EXT2: variants seen among roughly 807,000 people sequenced by gnomAD.
EXT2 encodes exostosin-2.
Under a neutral mutation model 81.6 loss-of-function variants are expected in EXT2, and 53 were observed. That is an observed-to-expected ratio of 0.65 (90% CI 0.52 to 0.82). The LOEUF is 0.82. EXT2 is among the 40% of genes least tolerant of loss of function. The pLI, the probability that EXT2 is intolerant of heterozygous loss-of-function variation, is 0.00. For synonymous variants in EXT2, 320 were observed against 340.0 expected (o/e 0.94, Z 0.65); for missense variants, 774 against 910.2 (o/e 0.85, Z 1.93).
At chr11:44,132,330 G>T (rs1261420615) in intron 7 of EXT2, among the ~76,000 whole-genome samples, 1 of 152,230 alleles carries the variant, frequency 6.6e-6, no homozygotes, top group Admixed American at 6.5e-5. Context: ...GTCATTTTCA[G>T]TGTTGGCTCA....
chr11:44,213,684 CAG>C (rs2135221038), intron 10 of EXT2, among the ~76,000 whole-genome samples: 2 of 152,210 alleles, frequency 1.3e-5, no homozygotes, highest in African/African-American at 4.8e-5. Flanking sequence ...GTGTGAACAA[CAG>C]AGAAGAAATA....
In EXT2 at chr11:44,249,086, T is replaced by G. The variant is rs1291767735; in HGVS notation, c.*4799T>G. Reference sequence around the variant, plus strand: ...ATCATGGCTCGCTGCAGCCTCAAACTCCTGGACTCAAGCAGTCTTCCCATC... The same window carrying G: ...ATCATGGCTCGCTGCAGCCTCAAACGCCTGGACTCAAGCAGTCTTCCCATC... On this transcript the variant is annotated 3_prime_UTR_variant, in exon 14 of 14. Transcript: ENST00000533608. Among the ~76,000 whole-genome samples, 1 of 152,092 alleles carries G rather than the reference T, an allele frequency of 6.6e-6. No individual in the cohort carries two copies. Among genetic ancestry groups the G allele is most frequent in the East Asian group, 1.9e-4 (1 of 5,190 alleles).
In EXT2 at chr11:44,184,082, G is replaced by T. The variant is rs138967719; in HGVS notation, c.1305+12340G>T. Among the ~76,000 whole-genome samples, 1,299 of 152,258 alleles carry T rather than the reference G, an allele frequency of 8.5e-3. 24 individuals carry two copies. The highest frequency in any genetic ancestry group is 0.029 in the African/African-American group (1,212 of 41,548). On this transcript the variant is annotated intron_variant, in intron 8 of 13. Coordinates refer to ENST00000533608, the MANE Select transcript of EXT2 (RefSeq NM_207122.2). ...CAGAGAATTTGTTTTTGTTTATTTTGCTTCTTCAACATTAATGTCTCACTG... is the reference window on the plus strand; with the variant it reads ...CAGAGAATTTGTTTTTGTTTATTTTTCTTCTTCAACATTAATGTCTCACTG...
chr11:44,125,027 T>G (rs759873000), intron 5 of EXT2, 43 bp downstream of exon 5: 2 of 1,595,388 alleles, frequency 1.3e-6, no homozygotes, highest in East Asian at 4.5e-5. Flanking sequence ...CAGGAGAGTT[T>G]GCTTACATGG....
intron 10 of EXT2, 147 bp from the exon 11 acceptor site, chr11:44,232,206 A>G (rs1293057006): frequency 3.0e-6 from 3 of 998,688 alleles, no homozygotes; most frequent in Non-Finnish European, 4.5e-6. Flanking sequence ...CACCTGTTTG[A>G]TGGAACATCT....
At chr11:44,237,558 TA>T (rs1476496829) in intron 13 of EXT2, among the ~76,000 whole-genome samples, 2 of 152,142 alleles carry the variant, frequency 1.3e-5, no homozygotes, top group Non-Finnish European at 2.9e-5. Flanking sequence ...AATTGTTATT[TA>T]AACCTACCCC....
intron 8 of EXT2, among the ~76,000 whole-genome samples, chr11:44,189,907 C>G (rs1955368851): frequency 6.6e-6 from 1 of 152,184 alleles, no homozygotes; most frequent in Non-Finnish European, 1.5e-5. Context: ...ATGTGCCTGG[C>G]TGGTGGAGTG....
intron 10 of EXT2, among the ~76,000 whole-genome samples, chr11:44,215,144 C>A (rs954346490): frequency 4.6e-5 from 7 of 152,102 alleles, no homozygotes; most frequent in African/African-American, 1.7e-4. Context: ...TTCTTTCTCT[C>A]CTTTGATGAA....
chr11:44,156,163 C>A (rs552502536), intron 7 of EXT2, among the ~76,000 whole-genome samples: 1 of 151,946 alleles, frequency 6.6e-6, no homozygotes, highest in South Asian at 2.1e-4. Flanking sequence ...TTCCTTTTTT[C>A]TTGACCTTTG....
chr11:44,170,847 C>G (rs7926063), intron 7 of EXT2, among the ~76,000 whole-genome samples: 38,672 of 143,874 alleles, frequency 0.27, 6,046 homozygotes, highest in East Asian at 0.47. Context: ...CACACACACA[C>G]ACACACACAC....
At chr11:44,234,516 CA>C (rs1416063670) in intron 12 of EXT2, among the ~76,000 whole-genome samples, 4 of 151,534 alleles carry the variant, frequency 2.6e-5, no homozygotes, top group African/African-American at 9.7e-5. Flanking sequence ...GTCTATAAAT[CA>C]AAAAATTATA....
intron 7 of EXT2, among the ~76,000 whole-genome samples, chr11:44,163,450 C>T (rs1954953525): frequency 6.6e-6 from 1 of 152,164 alleles, no homozygotes; most frequent in South Asian, 2.1e-4. Context: ...GTCAAAAGGA[C>T]CAGTGAGCAC....
At chr11:44,095,949 G>A (rs963821410) in intron 1 of EXT2, 97 bp downstream of exon 1, 5 of 412,892 alleles carry the variant, frequency 1.2e-5, no homozygotes, top group Non-Finnish European at 1.8e-5. Context: ...GGCCGAGGGA[G>A]CGCGGCCGCG....
Position 44,119,169 on chromosome 11 carries a change from T to TATATAC in EXT2, c.743+4869_743+4870insTATACA, listed in dbSNP as rs1192115471. 3.7e-3 allele frequency among the ~76,000 whole-genome samples: 230 copies of TATATAC among 62,892 alleles called. 3 individuals carry two copies. The highest frequency in any genetic ancestry group is 9.1e-3 in the South Asian group (16 of 1,750). The allele number at this position is 62,892 out of a possible 152,430, so 41.3% of individuals were successfully genotyped here. On this transcript the variant is annotated intron_variant, in intron 4 of 13. Transcript: ENST00000533608. The stretch of plus-strand genomic sequence containing the variant: ...ATATATATATATATATATATATATA[T>TATATAC]ACACATACACACACACACACACACA...
rs138370297 is a variant in EXT2, at chr11:44,194,003, A to C, written c.1306-3826A>C. Reference sequence around the variant, plus strand: ...TTGTCTTGCCAGCGACTCTGGTTCCATGTCCCTGGCAGCTCCTTGAAATCA... The same window carrying C: ...TTGTCTTGCCAGCGACTCTGGTTCCCTGTCCCTGGCAGCTCCTTGAAATCA... On this transcript the variant is annotated intron_variant, in intron 8 of 13. Transcript: ENST00000533608. 6.2e-3 allele frequency among the ~76,000 whole-genome samples: 943 copies of C among 152,296 alleles called. 16 individuals are homozygous for C. Among genetic ancestry groups the C allele is most frequent in the Admixed American group, 0.014 (217 of 15,300 alleles).
At chr11:44,103,529 C>A (rs1473407172) in intron 1 of EXT2, among the ~76,000 whole-genome samples, 1 of 152,148 alleles carries the variant, frequency 6.6e-6, no homozygotes, top group Non-Finnish European at 1.5e-5. Context: ...CATTTGCTAG[C>A]CTCCTAAACT....
intron 7 of EXT2, among the ~76,000 whole-genome samples, chr11:44,151,744 G>A (rs1311816946): frequency 1.3e-5 from 2 of 152,136 alleles, no homozygotes; most frequent in African/African-American, 2.4e-5. Flanking sequence ...GAGCACAGTT[G>A]CTGGCTTGCA....
intron 10 of EXT2, among the ~76,000 whole-genome samples, chr11:44,229,369 A>G (rs1387495503): frequency 6.6e-6 from 1 of 152,194 alleles, no homozygotes; most frequent in East Asian, 1.9e-4. Context: ...TTTGACATGG[A>G]TTCATTTGTC....
chr11:44,154,784 A>G (rs997369223), intron 7 of EXT2, among the ~76,000 whole-genome samples: 1 of 152,052 alleles, frequency 6.6e-6, no homozygotes, highest in African/African-American at 2.4e-5. Context: ...CATTTTCTCT[A>G]CATCCTCACC....
Sources: gnomAD v4.1 joint callset for allele counts (sites outside exome capture counted in the v4.1 genomes callset) on GRCh38, gnomAD v4.1.1 for gene constraint, MANE v1.5 for transcripts, NCBI Gene and HGNC (gene_info 2026-07-23, HGNC 2026-07-21) for gene names.